ASIC2: variants seen among roughly 807,000 people sequenced by gnomAD.
ASIC2 encodes the protein acid-sensing ion channel 2.
In ASIC2, 25 loss-of-function variants were observed where a neutral mutation model predicts 57.3. The observed-to-expected ratio is 0.44, with a 90% CI of 0.32 to 0.61. The LOEUF (loss-of-function observed/expected upper bound fraction) is 0.61, where lower values mean the gene tolerates loss of function less well. Among genes scored for constraint, ASIC2 ranks in the 20% least tolerant of loss-of-function variants. ASIC2 has a pLI of 0.06. For synonymous variants in ASIC2, 319 were observed against 307.5 expected (o/e 1.04, Z -0.39); for missense variants, 641 against 738.1 (o/e 0.87, Z 1.52).
intron 3 of ASIC2, among the ~76,000 whole-genome samples, chr17:33,031,904 C>A (rs560128668): frequency 6.6e-6 from 1 of 152,176 alleles, no homozygotes; most frequent in Admixed American, 6.5e-5. Flanking sequence ...ACAGACATGG[C>A]AGCTTTATTC....
intron 3 of ASIC2, among the ~76,000 whole-genome samples, chr17:33,060,378 A>G (rs1014402259): frequency 6.6e-6 from 1 of 152,204 alleles, no homozygotes; most frequent in Non-Finnish European, 1.5e-5. Flanking sequence ...CTTTCTACGT[A>G]TGGCTAGCCA....
At chr17:33,815,819 A>G (rs562413380) in intron 1 of ASIC2, among the ~76,000 whole-genome samples, 10 of 152,312 alleles carry the variant, frequency 6.6e-5, no homozygotes, top group African/African-American at 2.4e-4. Flanking sequence ...CTCTCATTTT[A>G]CAGATGGGGA....
chr17:33,408,227 G>C (rs6505339), intron 1 of ASIC2, among the ~76,000 whole-genome samples: 94,477 of 152,128 alleles, frequency 0.62, 29,724 homozygotes, highest in Non-Finnish European at 0.65. Flanking sequence ...AATAACCAAC[G>C]TTTGTTGCAT....
At chr17:33,762,547 G>C (rs1044761790) in intron 1 of ASIC2, among the ~76,000 whole-genome samples, 1 of 152,012 alleles carries the variant, frequency 6.6e-6, no homozygotes, top group African/African-American at 2.4e-5. Context: ...GATACCAGTG[G>C]TTTCCTCCCC....
intron 1 of ASIC2, chr17:34,038,725 T>C (rs1358656469): frequency 1.2e-6 from 2 of 1,606,066 alleles, no homozygotes; most frequent in Non-Finnish European, 1.7e-6. Context: ...AGATTTCTTC[T>C]TGTTCATGGT....
chr17:34,016,244 G>A (rs529462258), intron 1 of ASIC2, among the ~76,000 whole-genome samples: 1 of 152,066 alleles, frequency 6.6e-6, no homozygotes, highest in Admixed American at 6.5e-5. Flanking sequence ...ATAACACGGT[G>A]AAACCCCGTC....
chr17:33,806,361 C>A (rs1013005506), intron 1 of ASIC2, among the ~76,000 whole-genome samples: 1 of 152,204 alleles, frequency 6.6e-6, no homozygotes, highest in Non-Finnish European at 1.5e-5. Context: ...TATCATTCTT[C>A]TTTTGATTGG....
chr17:33,923,935 G>A (rs981590396), intron 1 of ASIC2, among the ~76,000 whole-genome samples: 5 of 152,170 alleles, frequency 3.3e-5, no homozygotes, highest in African/African-American at 1.2e-4. Flanking sequence ...AGAAGATACA[G>A]GGAAGAGAGC....
At chr17:34,074,379 C>A (rs1172123697) in intron 1 of ASIC2, among the ~76,000 whole-genome samples, 2 of 152,172 alleles carry the variant, frequency 1.3e-5, no homozygotes, top group African/African-American at 2.4e-5. Flanking sequence ...GAGGCTCTGA[C>A]ATGTTAAGAA....
chr17:34,111,743 G>T (rs1911282529), intron 1 of ASIC2, among the ~76,000 whole-genome samples: 1 of 152,146 alleles, frequency 6.6e-6, no homozygotes, highest in Non-Finnish European at 1.5e-5. Context: ...TTGGGAGAAG[G>T]ATTTCTATGT....
intron 3 of ASIC2, among the ~76,000 whole-genome samples, chr17:33,079,631 C>T (rs1459702451): frequency 1.3e-5 from 2 of 151,978 alleles, no homozygotes; most frequent in African/African-American, 2.4e-5. Context: ...AGAGTGAGCA[C>T]TGGGGAGGCC....
At chr17:34,007,455 T>C (rs1423382819) in intron 1 of ASIC2, among the ~76,000 whole-genome samples, 1 of 152,176 alleles carries the variant, frequency 6.6e-6, no homozygotes, top group Non-Finnish European at 1.5e-5. Flanking sequence ...GAGGTAGCTG[T>C]GTTCTAGACT....
At chr17:33,117,027 T>A (rs1222219181) in intron 1 of ASIC2, among the ~76,000 whole-genome samples, 1 of 151,584 alleles carries the variant, frequency 6.6e-6, no homozygotes, top group Non-Finnish European at 1.5e-5. Context: ...TTTTAAACAT[T>A]TTCTTTGTGG....
intron 7 of ASIC2, 56 bp downstream of exon 7, chr17:33,021,162 TC>T (rs1160211924): frequency 2.9e-6 from 2 of 693,984 alleles, no homozygotes; most frequent in Non-Finnish European, 5.3e-6. Flanking sequence ...CTGTGCATCC[TC>T]CCTCCCTCCC....
chr17:33,852,994 C>T (rs547029324), intron 1 of ASIC2, among the ~76,000 whole-genome samples: 3 of 152,096 alleles, frequency 2.0e-5, no homozygotes, highest in South Asian at 2.1e-4. Flanking sequence ...CTTTCCCCCC[C>T]GTCATAGACA....
intron 3 of ASIC2, among the ~76,000 whole-genome samples, chr17:33,067,438 A>G (rs1224443764): frequency 1.3e-5 from 2 of 152,162 alleles, no homozygotes; most frequent in Admixed American, 6.5e-5. Flanking sequence ...GAGCTAGAGG[A>G]GATGGAATTC....
intron 1 of ASIC2, among the ~76,000 whole-genome samples, chr17:33,590,470 C>G (rs917070978): frequency 6.6e-6 from 1 of 152,088 alleles, no homozygotes; most frequent in Non-Finnish European, 1.5e-5. Flanking sequence ...TTATTTACTA[C>G]CAGGTCTGCT....
intron 1 of ASIC2, among the ~76,000 whole-genome samples, chr17:33,803,873 GC>G (rs1019234835): frequency 1.3e-5 from 2 of 152,038 alleles, no homozygotes; most frequent in Non-Finnish European, 2.9e-5. Flanking sequence ...CAGCCCAGGA[GC>G]CTTTTATGTG....
At position 33,291,531 on chromosome 17, in the gene ASIC2, C is replaced by A; in HGVS notation, c.585G>T (p.Leu195=). The A allele has an allele frequency of 6.2e-7, 1 of 1,612,540 alleles. No individual in the cohort carries two copies. Among genetic ancestry groups the A allele is most frequent in the Non-Finnish European group, 8.5e-7 (1 of 1,179,730 alleles). The change falls in exon 1 of 10, where the codon CTG becomes CTT. Residue 195 remains leucine, a synonymous_variant. Transcript: ENST00000225823. ...FRKLADFRLF[L]PPRHFEGISA... is the part of the protein sequence containing the mutation. ...TGATTCCCTCGAAGTGGCGCGGAGG[C>A]AGGAAGAGGCGGAAGTCCGCCAGCT...
Sources: gnomAD v4.1 joint callset for allele counts (sites outside exome capture counted in the v4.1 genomes callset) on GRCh38, gnomAD v4.1.1 for gene constraint, MANE v1.5 for transcripts, NCBI Gene and HGNC (gene_info 2026-07-23, HGNC 2026-07-21) for gene names.